The following ENTREP2 variants were observed in gnomAD, a reference collection of about 807,000 sequenced individuals.
ENTREP2 encodes endosomal transmembrane epsin interactor 2, also known as protein ENTREP2.
the ENTREP2 span, among the ~76,000 whole-genome samples, chr15:29,188,024 G>A: frequency 1.3e-5 from 2 of 152,212 alleles, no homozygotes; most frequent in Non-Finnish European, 2.9e-5. Flanking sequence ...AGGTGGACAT[G>A]GCTCATGCAT....
At chr15:29,321,050 A>G in the ENTREP2 span, among the ~76,000 whole-genome samples, 2 of 152,174 alleles carry the variant, frequency 1.3e-5, no homozygotes, top group African/African-American at 4.8e-5. Context: ...ATTTAATAAA[A>G]TAAGCTGATA....
At chr15:29,365,454 C>CA in the ENTREP2 span, among the ~76,000 whole-genome samples, 1 of 152,006 alleles carries the variant, frequency 6.6e-6, no homozygotes, top group East Asian at 1.9e-4. Context: ...GATTTCACCA[C>CA]ATTGGCCAGG....
chr15:29,637,138 C>T, the ENTREP2 span, among the ~76,000 whole-genome samples: 3 of 152,170 alleles, frequency 2.0e-5, no homozygotes, highest in Non-Finnish European at 4.4e-5. Context: ...CAAAGGGATC[C>T]TCAGATGCTG....
the ENTREP2 span, among the ~76,000 whole-genome samples, chr15:29,471,119 G>T: frequency 3.3e-5 from 5 of 152,176 alleles, no homozygotes; most frequent in African/African-American, 1.2e-4. Context: ...GAGGATCTAG[G>T]GGACATTGAT....
the ENTREP2 span, among the ~76,000 whole-genome samples, chr15:29,653,241 G>C: frequency 6.6e-6 from 1 of 152,194 alleles, no homozygotes; most frequent in Non-Finnish European, 1.5e-5. Flanking sequence ...ATTAATACTT[G>C]AAGCAGCTTC....
the ENTREP2 span, among the ~76,000 whole-genome samples, chr15:29,304,777 C>T: frequency 2.0e-5 from 3 of 152,158 alleles, no homozygotes; most frequent in Non-Finnish European, 4.4e-5. Context: ...CTGCTCACTT[C>T]CCTCTAGCCA....
the ENTREP2 span, among the ~76,000 whole-genome samples, chr15:29,214,705 TA>T: frequency 2.5e-4 from 37 of 147,256 alleles, no homozygotes; most frequent in East Asian, 1.6e-3. Context: ...AAAAAAAATG[TA>T]AAAAAAAAAG....
At chr15:29,509,764 A>G in the ENTREP2 span, among the ~76,000 whole-genome samples, 1 of 152,250 alleles carries the variant, frequency 6.6e-6, no homozygotes. Flanking sequence ...AAGACGGATT[A>G]AAGATTTTAA....
chr15:29,322,915 T>C, the ENTREP2 span, among the ~76,000 whole-genome samples: 7 of 152,198 alleles, frequency 4.6e-5, no homozygotes, highest in African/African-American at 1.7e-4. Context: ...AATAAACCTC[T>C]AAATTGCTTG....
chr15:29,195,529 C>A, the ENTREP2 span, among the ~76,000 whole-genome samples: 1 of 151,828 alleles, frequency 6.6e-6, no homozygotes, highest in Admixed American at 6.5e-5. Context: ...ATTTATTTAT[C>A]CATTTTTTTC....
At chr15:29,312,598 C>T in the ENTREP2 span, among the ~76,000 whole-genome samples, 1 of 152,076 alleles carries the variant, frequency 6.6e-6, no homozygotes, top group African/African-American at 2.4e-5. Flanking sequence ...GATATAGTGG[C>T]CTGTGATCAG....
the ENTREP2 span, among the ~76,000 whole-genome samples, chr15:29,157,900 T>C: frequency 6.6e-6 from 1 of 152,128 alleles, no homozygotes; most frequent in Non-Finnish European, 1.5e-5. Flanking sequence ...CAGCTGATTT[T>C]TGTTATTTTT....
the ENTREP2 span, among the ~76,000 whole-genome samples, chr15:29,231,576 T>C: frequency 6.6e-6 from 1 of 152,218 alleles, no homozygotes. Flanking sequence ...CTGATAGTGA[T>C]ATAGTATTTA....
At chr15:29,419,129 C>T in the ENTREP2 span, among the ~76,000 whole-genome samples, 1 of 152,220 alleles carries the variant, frequency 6.6e-6, no homozygotes, top group African/African-American at 2.4e-5. Flanking sequence ...TCTGAGTCAG[C>T]ACAGTCCTTG....
the ENTREP2 span, among the ~76,000 whole-genome samples, chr15:29,490,530 G>C: frequency 6.6e-6 from 1 of 152,136 alleles, no homozygotes; most frequent in African/African-American, 2.4e-5. Context: ...TGATTGGTCC[G>C]TTTTACAGAG....
the ENTREP2 span, among the ~76,000 whole-genome samples, chr15:29,527,533 G>C: frequency 6.6e-6 from 1 of 152,098 alleles, no homozygotes; most frequent in African/African-American, 2.4e-5. Context: ...CTGAAATTTA[G>C]TCTCGTGTGA....
chr15:29,390,117 G>A, the ENTREP2 span, among the ~76,000 whole-genome samples: 3 of 152,176 alleles, frequency 2.0e-5, no homozygotes, highest in Non-Finnish European at 4.4e-5. Flanking sequence ...GACCAAGGGC[G>A]GTTGATGTAA....
chr15:29,418,237 T>C, the ENTREP2 span, among the ~76,000 whole-genome samples: 6,248 of 152,242 alleles, frequency 0.041, 442 homozygotes, highest in African/African-American at 0.14. Context: ...CATGTACAAA[T>C]GCATTAGCAT....
the ENTREP2 span, among the ~76,000 whole-genome samples, chr15:29,171,853 T>C: frequency 6.6e-6 from 1 of 152,220 alleles, no homozygotes; most frequent in Non-Finnish European, 1.5e-5. Context: ...AAAAGCCACC[T>C]AGAATCTTTT....
Sources: gnomAD v4.1 joint callset for allele counts (sites outside exome capture counted in the v4.1 genomes callset) on GRCh38, gnomAD v4.1.1 for gene constraint, MANE v1.5 for transcripts, NCBI Gene and HGNC (gene_info 2026-07-23, HGNC 2026-07-21) for gene names.